The following GPATCH1 variants were observed in gnomAD, a reference collection of about 807,000 sequenced individuals.
The protein encoded by GPATCH1 is G patch domain-containing protein 1.
GPATCH1 carries 73 observed loss-of-function variants against 114.9 expected under a neutral mutation model. The observed-to-expected ratio is 0.64, with a 90% CI of 0.53 to 0.77. The LOEUF (loss-of-function observed/expected upper bound fraction) is 0.77. Ranked by LOEUF, GPATCH1 falls within the 30% of genes least tolerant of loss-of-function variation. The probability of loss-of-function intolerance (pLI) is 0.00; values close to 1 mark genes in which losing one functional copy is unlikely to be tolerated. For missense variants in GPATCH1, 1,058 were observed against 1,144.3 expected (o/e 0.92, Z 1.09); for synonymous variants, 391 against 428.4 (o/e 0.91, Z 1.08).
At chr19:33,127,732 C>T (rs772059171) in intron 19 of GPATCH1, among the ~76,000 whole-genome samples, 10 of 151,780 alleles carry the variant, frequency 6.6e-5, no homozygotes, top group Non-Finnish European at 1.0e-4. Context: ...CTTTTTTAGA[C>T]GAGTCTCGTT....
intron 1 of GPATCH1, among the ~76,000 whole-genome samples, chr19:33,083,311 G>A (rs1173140377): frequency 6.7e-6 from 1 of 150,224 alleles, no homozygotes; most frequent in Non-Finnish European, 1.5e-5. Flanking sequence ...TGAACTCCTG[G>A]CCTCAAGTAG....
intron 17 of GPATCH1, among the ~76,000 whole-genome samples, chr19:33,124,488 T>C (rs1205306579): frequency 2.6e-5 from 4 of 152,170 alleles, no homozygotes; most frequent in African/African-American, 9.7e-5. Context: ...TATGTTGTTT[T>C]GATGGTAGTT....
rs138802887 is a variant in GPATCH1 at position 33,088,298 on chromosome 19, C to T, written c.208+30C>T. On this transcript the variant is annotated intron_variant, in intron 2 of 19. Coordinates refer to ENST00000170564, the MANE Select transcript of GPATCH1 (RefSeq NM_018025.3). The stretch of plus-strand genomic sequence containing the variant: ...CATTTTCCTAATTGTAGCTATTATA[C>T]CATTAAAGCAAATGATCAAAATATT... The T allele has an allele frequency of 1.3e-4, 194 of 1,495,274 alleles. 1 individual carries two copies. In the African/African-American group the frequency reaches 2.5e-3, roughly 19 times the overall value. The allele number at this position is 1,495,274 out of a possible 1,614,324, so 92.6% of individuals were successfully genotyped here.
Position 33,090,760 on chromosome 19 carries a change from C to T in GPATCH1, c.209-20C>T. The T allele has an allele frequency of 1.3e-6, 2 of 1,548,774 alleles. No homozygotes were observed. Among genetic ancestry groups the T allele is most frequent in the Non-Finnish European group, 1.8e-6 (2 of 1,121,338 alleles). ...AAATACTCTCTAGGATTGTAAAGTT[C>T]TAAACTCTTTTTTTTTCAGGATGGA... On this transcript the variant is annotated intron_variant, in intron 2 of 19. Coordinates refer to ENST00000170564, the MANE Select transcript of GPATCH1 (RefSeq NM_018025.3).
At chr19:33,115,823 A>G (rs1008704841) in intron 15 of GPATCH1, among the ~76,000 whole-genome samples, 5 of 152,180 alleles carry the variant, frequency 3.3e-5, no homozygotes, top group African/African-American at 1.2e-4. Context: ...ACACCGTGTC[A>G]CTGAGTCTTT....
intron 8 of GPATCH1, 32 bp downstream of exon 8, chr19:33,097,934 A>T: frequency 6.2e-7 from 1 of 1,607,274 alleles, no homozygotes; most frequent in South Asian, 1.1e-5. Flanking sequence ...TAATGGCAGG[A>T]CCAAGTGTCA....
chr19:33,103,623 C>T (rs1972751552), intron 9 of GPATCH1, among the ~76,000 whole-genome samples: 1 of 152,040 alleles, frequency 6.6e-6, no homozygotes, highest in Admixed American at 6.6e-5. Flanking sequence ...ATTACTTGAG[C>T]CTGGAAGGTG....
At chr19:33,124,644 C>G (rs1973020032) in intron 17 of GPATCH1, among the ~76,000 whole-genome samples, 1 of 152,192 alleles carries the variant, frequency 6.6e-6, no homozygotes, top group South Asian at 2.1e-4. Context: ...GTCTGTGTCC[C>G]TAAAAGGATT....
At chr19:33,115,786 C>T (rs12463087) in intron 15 of GPATCH1, among the ~76,000 whole-genome samples, 31,831 of 151,938 alleles carry the variant, frequency 0.21, 4,800 homozygotes, top group African/African-American at 0.41. Flanking sequence ...TAAGCCACCG[C>T]GCCTGGCTAA....
chr19:33,114,864 A>G (rs1430111417), intron 15 of GPATCH1, among the ~76,000 whole-genome samples: 1 of 123,430 alleles, frequency 8.1e-6, no homozygotes, highest in Non-Finnish European at 1.6e-5. Flanking sequence ...GTGCAGTGGC[A>G]TGATTTCGGC....
At chr19:33,095,411 G>A (rs567753613) in intron 5 of GPATCH1, among the ~76,000 whole-genome samples, 23 of 151,632 alleles carry the variant, frequency 1.5e-4, no homozygotes, top group African/African-American at 2.2e-4. Context: ...ACAGGCTTGC[G>A]CCACCATGCC....
At chr19:33,114,159 C>A in intron 14 of GPATCH1, 94 bp from the exon 15 acceptor site, 1 of 1,205,598 alleles carries the variant, frequency 8.3e-7, no homozygotes, top group Non-Finnish European at 1.2e-6. Context: ...CCCTAGTAGG[C>A]ACGCTGACAT....
At chr19:33,115,143 G>A (rs1972903030) in intron 15 of GPATCH1, among the ~76,000 whole-genome samples, 1 of 149,646 alleles carries the variant, frequency 6.7e-6, no homozygotes, top group South Asian at 2.1e-4. Flanking sequence ...CTCACTGCAG[G>A]CTCGAACGCC....
chr19:33,122,328 T>C (rs1198028951), intron 17 of GPATCH1, among the ~76,000 whole-genome samples: 1 of 35,738 alleles, frequency 2.8e-5, no homozygotes, highest in East Asian at 1.7e-3. Context: ...TTTAGTTTCT[T>C]TTTTTTTTTT....
At chr19:33,095,650 C>T (rs1181122362) in intron 5 of GPATCH1, 112 bp from the exon 6 acceptor site, 2 of 764,144 alleles carry the variant, frequency 2.6e-6, no homozygotes, top group Non-Finnish European at 4.7e-6. Context: ...GATCCTCTCA[C>T]CTCAGCCTCC....
At chr19:33,108,412 C>T (rs1269083525) in intron 10 of GPATCH1, among the ~76,000 whole-genome samples, 5 of 152,196 alleles carry the variant, frequency 3.3e-5, no homozygotes, top group Non-Finnish European at 5.9e-5. Context: ...CTCCTTTCCT[C>T]CCCTGGAACA....
At chr19:33,111,640 TACA>T (rs1972854994) in intron 11 of GPATCH1, 81 bp from the exon 12 acceptor site, 1 of 1,194,272 alleles carries the variant, frequency 8.4e-7, no homozygotes, top group Admixed American at 1.8e-5. Flanking sequence ...TATACAGGGA[TACA>T]GTGGTGCCCA....
chr19:33,097,555 A>C (rs1972675813), intron 7 of GPATCH1, among the ~76,000 whole-genome samples, 200 bp from the exon 8 acceptor site: 1 of 152,068 alleles, frequency 6.6e-6, no homozygotes, highest in Non-Finnish European at 1.5e-5. Flanking sequence ...GGCAGTAGGG[A>C]CATGGCATTC....
intron 6 of GPATCH1, 43 bp downstream of exon 6, chr19:33,095,863 C>T: frequency 1.5e-6 from 2 of 1,366,068 alleles, no homozygotes; most frequent in Non-Finnish European, 2.1e-6. Context: ...TACAACAGCA[C>T]CTGTTTCTGT....
Sources: gnomAD v4.1 joint callset for allele counts (sites outside exome capture counted in the v4.1 genomes callset) on GRCh38, gnomAD v4.1.1 for gene constraint, MANE v1.5 for transcripts, NCBI Gene and HGNC (gene_info 2026-07-23, HGNC 2026-07-21) for gene names.